Variants in ZNF280D observed in about 807,000 individuals in gnomAD.
ZNF280D encodes the protein suppressor of hairy wing homolog 4.
A neutral mutation model predicts 94.7 loss-of-function variants in ZNF280D; 39 were observed. That is an observed-to-expected ratio of 0.41 (90% CI 0.32 to 0.54). The LOEUF (loss-of-function observed/expected upper bound fraction) is 0.54. Among genes scored for constraint, ZNF280D ranks in the 20% least tolerant of loss-of-function variants. The probability of loss-of-function intolerance (pLI) is 0.22; values close to 1 mark genes in which losing one functional copy is unlikely to be tolerated. For synonymous variants in ZNF280D, 398 were observed against 377.6 expected (o/e 1.05, Z -0.63); for missense variants, 1,090 against 1,149.3 (o/e 0.95, Z 0.75).
chr15:56,689,005 A>C (rs774871309), intron 9 of ZNF280D, 36 bp downstream of exon 9: 6 of 1,454,462 alleles, frequency 4.1e-6, no homozygotes, highest in Admixed American at 3.8e-5. Flanking sequence ...AGAAATGTGC[A>C]AACTTTTTAC....
Position 56,669,349 on chromosome 15 carries a change from GTAAAA to G in ZNF280D, c.1411-397_1411-393del, listed in dbSNP as rs537244164. Among the ~76,000 whole-genome samples the G allele has an allele frequency of 2.0e-5, 3 of 152,058 alleles. No homozygotes were observed. The South Asian group carries it at 6.2e-4, about 32-fold the overall frequency. On this transcript the variant is annotated intron_variant, in intron 13 of 21. Transcript: ENST00000267807. ...CTATTTCTAGTTGGTTGAAAAGTTG[GTAAAA>G]TAAATTAAACTCTCTAAAACCAAAT...
chr15:56,707,391 C>G, intron 1 of ZNF280D, 85 bp from the exon 2 acceptor site: 1 of 1,220,784 alleles, frequency 8.2e-7, no homozygotes, highest in Non-Finnish European at 1.1e-6. Context: ...ATACAGAGGT[C>G]AATTATGTTT....
chr15:56,723,427 T>A (rs2058476115), intron 1 of ZNF280D, among the ~76,000 whole-genome samples: 1 of 152,168 alleles, frequency 6.6e-6, no homozygotes, highest in Non-Finnish European at 1.5e-5. Flanking sequence ...GGTTTCCTTT[T>A]GAGGAGCTGA....
chr15:56,653,248 C>A (rs2053315695), intron 19 of ZNF280D: 1 of 1,160,020 alleles, frequency 8.6e-7, no homozygotes, highest in Non-Finnish European at 1.1e-6. Flanking sequence ...GCCAAAATGA[C>A]TAAACTTCAA....
At chr15:56,731,970 G>A (rs928803537) in intron 1 of ZNF280D, among the ~76,000 whole-genome samples, 1 of 152,278 alleles carries the variant, frequency 6.6e-6, no homozygotes, top group Middle Eastern at 3.4e-3. Context: ...AGGAGTCTGA[G>A]ACCAGCCTGG....
rs2054675452 is a variant in ZNF280D at position 56,669,948 on chromosome 15, ATTATATATATATAT to A, written c.1411-1005_1411-992del. On this transcript the variant is annotated intron_variant, in intron 13 of 21. Coordinates refer to ENST00000267807, the MANE Select transcript of ZNF280D (RefSeq NM_017661.4). Reference sequence around the variant, plus strand: ...TATTATATATATATTATATATATATATTATATATATATATTATATATATATAATATATATATTAT... The same window carrying A: ...TATTATATATATATTATATATATATATATATATATATAATATATATATTAT... Among the ~76,000 whole-genome samples, 3 of 2,568 alleles carry A rather than the reference ATTATATATATATAT, an allele frequency of 1.2e-3. 1 individual carries two copies. Among genetic ancestry groups the A allele is most frequent in the African/African-American group, 3.9e-3 (3 of 770 alleles). 1.7% of individuals were successfully genotyped at this position (2,568 alleles called of 152,430 possible).
chr15:56,695,038 A>C (rs532296974), intron 6 of ZNF280D, among the ~76,000 whole-genome samples: 1 of 150,104 alleles, frequency 6.7e-6, no homozygotes, highest in Admixed American at 6.7e-5. Flanking sequence ...GGCAGTAGCT[A>C]CTGAAGGCTT....
At chr15:56,682,562 CCTAAGGCCAGACCATTAAAACTATG>C in intron 9 of ZNF280D, 85 bp from the exon 10 acceptor site, 1 of 848,292 alleles carries the variant, frequency 1.2e-6, no homozygotes, top group Non-Finnish European at 1.8e-6. Flanking sequence ...TGTGTTTACA[CCTAAGGCCAGACCATTAAAACTATG>C]CTTGTAATAT....
intron 6 of ZNF280D, chr15:56,700,339 T>A: frequency 2.2e-6 from 1 of 445,670 alleles, no homozygotes; most frequent in Non-Finnish European, 3.0e-6. Flanking sequence ...AAAATGAGGA[T>A]AATAATAGTG....
intron 20 of ZNF280D, among the ~76,000 whole-genome samples, chr15:56,640,252 G>A (rs2052563937): frequency 6.6e-6 from 1 of 151,930 alleles, no homozygotes; most frequent in Non-Finnish European, 1.5e-5. Context: ...AAAAATGAAT[G>A]CCCCTATAAG....
chr15:56,674,424 T>G (rs1260099110), intron 13 of ZNF280D, among the ~76,000 whole-genome samples: 2 of 152,098 alleles, frequency 1.3e-5, no homozygotes, highest in Admixed American at 1.3e-4. Context: ...ATTAAATTTT[T>G]TATAAGTATA....
intron 12 of ZNF280D, 110 bp from the exon 13 acceptor site, chr15:56,676,926 T>C: frequency 1.3e-6 from 1 of 792,520 alleles, no homozygotes; most frequent in East Asian, 2.6e-5. Flanking sequence ...ACTACTAATC[T>C]AGCTCTGATG....
intron 1 of ZNF280D, among the ~76,000 whole-genome samples, chr15:56,714,325 A>G (rs953975206): frequency 6.6e-6 from 1 of 152,186 alleles, no homozygotes; most frequent in Non-Finnish European, 1.5e-5. Flanking sequence ...AATCTCACCC[A>G]ATTTCTGAAA....
At position 56,719,503 on chromosome 15, in the gene ZNF280D, C is replaced by T. The variant is rs1049827534; in HGVS notation, c.-85-12197G>A. 1.8e-4 allele frequency among the ~76,000 whole-genome samples: 28 copies of T among 152,050 alleles called. 1 individual carries two copies. Among genetic ancestry groups the T allele is most frequent in the African/African-American group, 5.6e-4 (23 of 41,412 alleles). ...AGAAGCCAAGCAGATGCTGGTACCA[C>T]GATACTTGCAGAAGCATGAGCCAAA... On this transcript the variant is annotated intron_variant, in intron 1 of 21. Transcript: ENST00000267807.
intron 14 of ZNF280D, among the ~76,000 whole-genome samples, chr15:56,667,510 G>T (rs1396042859): frequency 6.6e-6 from 1 of 152,026 alleles, no homozygotes; most frequent in African/African-American, 2.4e-5. Context: ...CTGCATAGAG[G>T]GCTAAATAAT....
At chr15:56,707,783 T>C (rs2057503207) in intron 1 of ZNF280D, among the ~76,000 whole-genome samples, 1 of 151,968 alleles carries the variant, frequency 6.6e-6, no homozygotes, top group Admixed American at 6.6e-5. Flanking sequence ...CATAGATTAA[T>C]TCATTCAAAA....
In ZNF280D at chr15:56,682,335, T is replaced by C. The variant is rs1409014265; in HGVS notation, c.923A>G (p.Glu308Gly). ...CTTCTGTTCCTCCTGGACATCTCCT[T>C]CATGTTTTCCATAATAAAAGTCATT... ...LVNDFYYGKH[E>G]GDVQEEQKTH... Residue 308 changes from glutamate to glycine, a missense_variant, in exon 10 of 22, where the codon GAA (glutamate) becomes GGA (glycine). Transcript: ENST00000267807. The C allele has an allele frequency of 1.9e-6, 3 of 1,600,640 alleles. No individual in the cohort carries two copies. Among genetic ancestry groups the C allele is most frequent in the Non-Finnish European group, 2.5e-6 (3 of 1,176,766 alleles).
At chr15:56,632,880 T>C (rs2052152300) in intron 21 of ZNF280D, among the ~76,000 whole-genome samples, 3 of 151,890 alleles carry the variant, frequency 2.0e-5, no homozygotes, top group Non-Finnish European at 4.4e-5. Context: ...TAATTTTTAA[T>C]AGCCCAATTT....
At chr15:56,718,301 C>T (rs1239306824) in intron 1 of ZNF280D, among the ~76,000 whole-genome samples, 1 of 151,906 alleles carries the variant, frequency 6.6e-6, no homozygotes, top group African/African-American at 2.4e-5. Context: ...TAATTCAAAA[C>T]AAGTATATTC....
Sources: allele counts gnomAD v4.1 joint callset (sites outside exome capture counted in the v4.1 genomes callset), GRCh38; gene constraint gnomAD v4.1.1; transcripts MANE v1.5; gene names NCBI Gene and HGNC (gene_info 2026-07-23, HGNC 2026-07-21).